CRHBP: variants seen among roughly 807,000 people sequenced by gnomAD.
CRHBP encodes the protein corticotropin releasing hormone binding protein, also known as corticotropin-releasing hormone-binding protein.
In CRHBP, 19 loss-of-function variants were observed where a neutral mutation model predicts 34.9. The observed-to-expected ratio is 0.55, with a 90% CI of 0.38 to 0.80. The LOEUF (loss-of-function observed/expected upper bound fraction) is 0.80, where lower values mean the gene tolerates loss of function less well. Among genes scored for constraint, CRHBP ranks in the 30% least tolerant of loss-of-function variants. CRHBP has a pLI of 0.00. For synonymous variants in CRHBP, 154 were observed against 153.4 expected, an observed-to-expected ratio of 1.00 and a Z score of -0.03; for missense variants, 328 against 409.2, an observed-to-expected ratio of 0.80 and a Z score of 1.71.
chr5:76,956,463 C>A (rs114642073), intron 4 of CRHBP, among the ~76,000 whole-genome samples: 1 of 152,212 alleles, frequency 6.6e-6, no homozygotes, highest in Admixed American at 6.5e-5. Flanking sequence ...ATTTACTCCG[C>A]GGTGGCTCAC....
At chr5:76,970,242 G>A (rs915163532), downstream of CRHBP, among the ~76,000 whole-genome samples, 6 of 152,016 alleles carry the variant, frequency 3.9e-5, no homozygotes, top group Non-Finnish European at 7.4e-5. Flanking sequence ...CACTGTGCCC[G>A]GCTAGAAAAT....
chr5:76,974,970 T>C (rs1434476019), intron 2 of CRHBP, among the ~76,000 whole-genome samples: 1 of 152,198 alleles, frequency 6.6e-6, no homozygotes, highest in East Asian at 1.9e-4. Flanking sequence ...GCTGAAAAAC[T>C]GAAAACAGGA....
At chr5:76,980,453 T>C (rs1746103295) in intron 3 of CRHBP, among the ~76,000 whole-genome samples, 1 of 152,294 alleles carries the variant, frequency 6.6e-6, no homozygotes, top group East Asian at 1.9e-4. Context: ...CTTATTTCTT[T>C]GTCGAAACAC....
At position 76,953,223 on chromosome 5, in the gene CRHBP, ACCC is replaced by A. The variant is rs1238738159; in HGVS notation, c.81+10_81+12del. The A allele has an allele frequency of 6.2e-7, 1 of 1,613,292 alleles. No individual in the cohort carries two copies. The highest frequency in any genetic ancestry group is 8.5e-7 in the Non-Finnish European group (1 of 1,179,312). On this transcript the variant is annotated intron_variant, in intron 1 of 6. Coordinates refer to ENST00000274368, the MANE Select transcript of CRHBP (RefSeq NM_001882.4). ...GAAAGCCGGTACCTAGAGGTGAGCC[ACCC>A]CTGGACTGACCCATCTCACCTTCCT...
In CRHBP at chr5:76,967,548, G is replaced by C. The variant is rs75620713; in HGVS notation, c.812-1180G>C. 5.2e-3 allele frequency among the ~76,000 whole-genome samples: 795 copies of C among 152,230 alleles called. 6 individuals are homozygous for C. The highest frequency in any genetic ancestry group is 0.018 in the African/African-American group (751 of 41,534). On this transcript the variant is annotated intron_variant, in intron 6 of 6. Transcript: ENST00000274368. ...CAGCAGAAATGATTATTGTAGAGCAGATAAATCTTGCCTCAGGAATCAGCT... is the reference window on the plus strand; with the variant it reads ...CAGCAGAAATGATTATTGTAGAGCACATAAATCTTGCCTCAGGAATCAGCT...
chr5:76,957,929 C>CA (rs1745711902), intron 4 of CRHBP, among the ~76,000 whole-genome samples: 2 of 152,030 alleles, frequency 1.3e-5, no homozygotes, highest in South Asian at 4.1e-4. Context: ...GAGGCTGAGG[C>CA]AGGTGAATCC....
downstream of CRHBP, among the ~76,000 whole-genome samples, chr5:76,974,281 T>C (rs553102664): frequency 2.8e-4 from 43 of 151,968 alleles, no homozygotes; most frequent in African/African-American, 1.0e-3. Flanking sequence ...CCTCCCAAAG[T>C]GCTGGGATTA....
rs1442609842 is a variant in CRHBP at position 76,968,967 on chromosome 5, T to A, written c.*82T>A. 8.0e-6 allele frequency: 12 copies of A among 1,507,370 alleles called. No homozygotes were observed. The highest frequency in any genetic ancestry group is 1.1e-5 in the Non-Finnish European group (12 of 1,105,038). The allele number at this position is 1,507,370 out of a possible 1,614,324, so 93.4% of individuals were successfully genotyped here. A position where few individuals can be genotyped will look rare whatever the true frequency, so the allele number is the denominator to read the frequency against. ...TGTATGATTTTGATGCACAACTAGT[T>A]AAAAGCCTTTCATACCAGTCAGTAT... On this transcript the variant is annotated 3_prime_UTR_variant, in exon 7 of 7. Transcript: ENST00000274368.
chr5:76,967,880 G>T (rs1392488023), intron 6 of CRHBP, among the ~76,000 whole-genome samples: 1 of 151,984 alleles, frequency 6.6e-6, no homozygotes, highest in East Asian at 1.9e-4. Flanking sequence ...TGTATTTTTA[G>T]TAGAGACGGG....
chr5:76,958,871 A>G lies in CRHBP; in HGVS notation c.675A>G (p.Val225=). 1 of 1,613,944 alleles carries G rather than the reference A, an allele frequency of 6.2e-7. No homozygotes were observed. The highest frequency in any genetic ancestry group is 2.2e-5 in the East Asian group (1 of 44,872). Residue 225 remains valine, a synonymous_variant, in exon 5 of 7, where the codon GTA becomes GTG. Transcript: ENST00000274368. ...TATCTGATCTTACCCTGGGACACGT[A>G]AATGGTCTTCAGTTAAAGGTGAGTT... ...IKISDLTLGH[V]NGLQLKKSSA...
chr5:76,974,677 CAG>C (rs891092357), intron 2 of CRHBP, among the ~76,000 whole-genome samples: 20 of 152,096 alleles, frequency 1.3e-4, no homozygotes, highest in African/African-American at 4.6e-4. Context: ...TTTCAGAAAA[CAG>C]AAACACCTTT....
At chr5:76,975,955 CGT>C (rs1226398289) in intron 2 of CRHBP, among the ~76,000 whole-genome samples, 1 of 121,482 alleles carries the variant, frequency 8.2e-6, no homozygotes, top group Non-Finnish European at 1.7e-5. Flanking sequence ...TATATATATG[CGT>C]GTATATATAT....
chr5:76,973,454 A>T (rs1045222816), downstream of CRHBP, among the ~76,000 whole-genome samples: 5 of 152,182 alleles, frequency 3.3e-5, no homozygotes, highest in Admixed American at 6.5e-5. Context: ...ATACCATGCA[A>T]ATACCTGAGA....
Position 76,955,573 on chromosome 5 carries a change from CT to C in CRHBP, c.334-77del, listed in dbSNP as rs890456787. ...TGACTGAAGGCCCATTGCTGGATGA[CT>C]TTCCCCCCCTTTTCAACTCATTTCA... On this transcript the variant is annotated intron_variant, in intron 3 of 6. Coordinates refer to ENST00000274368, the MANE Select transcript of CRHBP (RefSeq NM_001882.4). 2.9e-5 allele frequency: 38 copies of C among 1,328,636 alleles called. No homozygotes were observed. The South Asian group carries it at 3.4e-4, about 12-fold the overall frequency. The allele number at this position is 1,328,636 out of a possible 1,614,324, so 82.3% of individuals were successfully genotyped here.
At chr5:76,960,856 C>T (rs183229533) in intron 5 of CRHBP, among the ~76,000 whole-genome samples, 5 of 152,030 alleles carry the variant, frequency 3.3e-5, no homozygotes, top group Admixed American at 2.0e-4. Context: ...CCTCTGCCTC[C>T]GAGGTTCAAG....
At position 76,964,930 on chromosome 5, in the gene CRHBP, C is replaced by T. The variant is rs138382099; in HGVS notation, c.811+1470C>T. On this transcript the variant is annotated intron_variant, in intron 6 of 6. Coordinates refer to ENST00000274368, the MANE Select transcript of CRHBP (RefSeq NM_001882.4). ...CTTTGGGAGGCTGACGCAGGAGGAT[C>T]GCTTGAGCCCAGCAGTTTGAGACCA... 2.7e-4 allele frequency among the ~76,000 whole-genome samples: 41 copies of T among 151,552 alleles called. No homozygotes were observed. In the East Asian group the frequency reaches 5.8e-3, roughly 21 times the overall value.
At position 76,963,405 on chromosome 5, in the gene CRHBP, G is replaced by C; in HGVS notation, c.756G>C (p.Leu252Phe). Reference sequence around the variant, plus strand: ...TGGAGCTGCTGGGAGGAACTGGATTGGACCCTTCCAAGATGACGCCTTTAG... The same window carrying C: ...TGGAGCTGCTGGGAGGAACTGGATTCGACCCTTCCAAGATGACGCCTTTAG... ...DFVELLGGTG[L>F]DPSKMTPLAD... is the part of the protein sequence containing the mutation. Residue 252 changes from leucine (L) to phenylalanine (F), a missense_variant, in exon 6 of 7, where the codon TTG (leucine) becomes TTC (phenylalanine). By Grantham distance (22) the Leu-to-Phe change is conservative. Coordinates refer to ENST00000274368, the MANE Select transcript of CRHBP (RefSeq NM_001882.4). 2 of 1,614,100 alleles carry C rather than the reference G, an allele frequency of 1.2e-6. No individual in the cohort carries two copies. Among genetic ancestry groups the C allele is most frequent in the Non-Finnish European group, 8.5e-7 (1 of 1,180,012 alleles).
rs1158363151 is a variant in CRHBP at position 76,975,803 on chromosome 5, C to CAAAAAAAAAAAAAAA, written n.312-553_312-539dup. ...TGGGCAACAGAGCGAGACTCTGTCT[C>CAAAAAAAAAAAAAAA]AAAAAAAAAAAAAAAAAAAAAAATA... On this transcript the variant is annotated intron_variant and non_coding_transcript_variant, in intron 2 of 3. Coordinates refer to the CRHBP transcript ENST00000514258. 2.8e-4 allele frequency among the ~76,000 whole-genome samples: 10 copies of CAAAAAAAAAAAAAAA among 35,218 alleles called. 1 individual carries two copies. Among genetic ancestry groups the CAAAAAAAAAAAAAAA allele is most frequent in the African/African-American group, 1.2e-3 (9 of 7,784 alleles). 23.1% of individuals were successfully genotyped at this position (35,218 alleles called of 152,430 possible). A position where few individuals can be genotyped will look rare whatever the true frequency, so the allele number is the denominator to read the frequency against.
In CRHBP at chr5:76,975,819, A is replaced by AC. The variant is rs1339335545; in HGVS notation, n.312-546_312-545insC. 3.0e-3 allele frequency among the ~76,000 whole-genome samples: 256 copies of AC among 84,118 alleles called. 12 individuals are homozygous for AC. The highest frequency in any genetic ancestry group is 0.018 in the African/African-American group (243 of 13,166). The allele number at this position is 84,118 out of a possible 152,430, so 55.2% of individuals were successfully genotyped here. On this transcript the variant is annotated intron_variant and non_coding_transcript_variant, in intron 2 of 3. Transcript: ENST00000514258. ...ACTCTGTCTCAAAAAAAAAAAAAAAAAAAAAAATATATATATATATATATA... is the reference window on the plus strand; with the variant it reads ...ACTCTGTCTCAAAAAAAAAAAAAAAACAAAAAAATATATATATATATATATA...
Sources: gnomAD v4.1 joint callset for allele counts (sites outside exome capture counted in the v4.1 genomes callset) on GRCh38, gnomAD v4.1.1 for gene constraint, MANE v1.5 for transcripts, NCBI Gene and HGNC (gene_info 2026-07-23, HGNC 2026-07-21) for gene names.